The following GC variants were observed in gnomAD, a reference collection of about 807,000 sequenced individuals.
GC encodes the protein vitamin D-binding protein.
Under a neutral mutation model 56.7 loss-of-function variants are expected in GC, and 43 were observed. The ratio of observed to expected loss-of-function variants is 0.76; its 90% CI spans 0.59 to 0.98. The LOEUF is 0.98. Ranked by LOEUF, GC falls within the 50% of genes least tolerant of loss-of-function variation. The pLI is 0.00. For synonymous variants in GC, 216 were observed against 202.7 expected (o/e 1.07, Z -0.56); for missense variants, 529 against 545.9 (o/e 0.97, Z 0.31).
At chr4:71,794,661 G>C (rs530148350) in intron 1 of GC, among the ~76,000 whole-genome samples, 26 of 152,064 alleles carry the variant, frequency 1.7e-4, no homozygotes, top group African/African-American at 5.5e-4. Flanking sequence ...ATCTCCTTGA[G>C]TTCTGCTCTG....
chr4:71,784,304 A>G, upstream of GC: 1 of 1,120,962 alleles, frequency 8.9e-7, no homozygotes, highest in Non-Finnish European at 1.1e-6. Context: ...AAACTGCAAA[A>G]GAGCCAAGGT....
At chr4:71,743,870 T>C (rs1420666508) in intron 12 of GC, among the ~76,000 whole-genome samples, 1 of 152,166 alleles carries the variant, frequency 6.6e-6, no homozygotes, top group African/African-American at 2.4e-5. Context: ...GGAAGGGATA[T>C]GTGAATAATT....
intron 11 of GC, among the ~76,000 whole-genome samples, chr4:71,749,903 TTTGGGACCAGAG>T (rs1741492259): frequency 6.6e-6 from 1 of 152,102 alleles, no homozygotes; most frequent in Admixed American, 6.5e-5. Context: ...AGCAAATAGG[TTTGGGACCAGAG>T]TGTAAATATG....
At chr4:71,773,905 G>A (rs1376920842) in intron 1 of GC, among the ~76,000 whole-genome samples, 2 of 151,888 alleles carry the variant, frequency 1.3e-5, no homozygotes, top group Admixed American at 1.3e-4. Flanking sequence ...ATATTTGTTA[G>A]TATTTTTTTA....
At chr4:71,804,283 CT>C (rs1743313427), upstream of GC, among the ~76,000 whole-genome samples, 1 of 152,142 alleles carries the variant, frequency 6.6e-6, no homozygotes, top group Admixed American at 6.5e-5. Context: ...GAGCTGCTTG[CT>C]TTTATTCAAT....
In GC at chr4:71,753,290, A is replaced by G. The variant is rs1161871323; in HGVS notation, c.1263-640T>C. Among the ~76,000 whole-genome samples, 3 of 152,244 alleles carry G rather than the reference A, an allele frequency of 2.0e-5. No homozygotes were observed. In the East Asian group the frequency reaches 5.8e-4, roughly 29 times the overall value. On this transcript the variant is annotated intron_variant, in intron 10 of 12. Coordinates refer to ENST00000273951, the MANE Select transcript of GC (RefSeq NM_000583.4). ...CTGGTTTTATGACTTTCTTCAGGAA[A>G]TGCTTGCCAGCCCAGCGGGGGGCAA...
chr4:71,759,119 CT>C (rs201675874), intron 6 of GC, among the ~76,000 whole-genome samples: 90 of 151,120 alleles, frequency 6.0e-4, no homozygotes, highest in Admixed American at 2.5e-3. Context: ...ACAGGATTTT[CT>C]TTTTTTTTCA....
chr4:71,800,018 G>C (rs1026038284), intron 1 of GC, among the ~76,000 whole-genome samples: 5 of 151,552 alleles, frequency 3.3e-5, no homozygotes, highest in African/African-American at 1.2e-4. Flanking sequence ...GAAAACAATA[G>C]AACAATCAAC....
At chr4:71,798,592 C>G (rs769229587) in intron 1 of GC, among the ~76,000 whole-genome samples, 1 of 152,180 alleles carries the variant, frequency 6.6e-6, no homozygotes, top group Admixed American at 6.5e-5. Context: ...CCAAGCACCT[C>G]TAACTGGGGG....
At chr4:71,782,929 C>T (rs1414531510) in intron 1 of GC, among the ~76,000 whole-genome samples, 2 of 151,678 alleles carry the variant, frequency 1.3e-5, no homozygotes, top group Non-Finnish European at 2.9e-5. Context: ...GTAGTCTTAC[C>T]TAAGGACGCA....
upstream of GC, among the ~76,000 whole-genome samples, chr4:71,805,064 T>C (rs1256856744): frequency 6.6e-6 from 1 of 152,098 alleles, no homozygotes; most frequent in African/African-American, 2.4e-5. Context: ...GTGCATGATA[T>C]TGTTTAAGAT....
chr4:71,802,606 T>C (rs562656209), intron 1 of GC, among the ~76,000 whole-genome samples: 1 of 152,354 alleles, frequency 6.6e-6, no homozygotes, highest in South Asian at 2.1e-4. Flanking sequence ...ATCCTAAAGT[T>C]GAAAAGTCAT....
intron 10 of GC, among the ~76,000 whole-genome samples, chr4:71,754,149 T>A (rs1454481187): frequency 6.6e-6 from 1 of 152,170 alleles, no homozygotes; most frequent in African/African-American, 2.4e-5. Context: ...TTTAGTATAA[T>A]CATCACCCAA....
intron 1 of GC, among the ~76,000 whole-genome samples, chr4:71,792,169 G>T (rs1560713675): frequency 6.6e-6 from 1 of 152,052 alleles, no homozygotes; most frequent in Admixed American, 6.6e-5. Context: ...ATAATCCTTT[G>T]GGTATATACC....
At chr4:71,805,123 G>A (rs1181920644), upstream of GC, among the ~76,000 whole-genome samples, 2 of 152,030 alleles carry the variant, frequency 1.3e-5, no homozygotes, top group Non-Finnish European at 2.9e-5. Context: ...CCTTCTTCCA[G>A]GAATCATGGG....
chr4:71,746,832 A>C (rs2149292707), intron 11 of GC, among the ~76,000 whole-genome samples: 1 of 151,636 alleles, frequency 6.6e-6, no homozygotes, highest in African/African-American at 2.4e-5. Context: ...CTATTAGAGA[A>C]GAGTATTAAC....
At chr4:71,798,042 T>C (rs1014928382) in intron 1 of GC, among the ~76,000 whole-genome samples, 1 of 152,248 alleles carries the variant, frequency 6.6e-6, no homozygotes, top group African/African-American at 2.4e-5. Flanking sequence ...ACCTTTGTTG[T>C]CTCTGTTCTT....
upstream of GC, chr4:71,784,235 T>C (rs1742776690): frequency 8.0e-7 from 1 of 1,246,378 alleles, no homozygotes. Flanking sequence ...TCAAGGTAAA[T>C]AGACACCCTG....
intron 1 of GC, among the ~76,000 whole-genome samples, chr4:71,795,815 T>C (rs1214491537): frequency 6.6e-6 from 1 of 152,216 alleles, no homozygotes; most frequent in Non-Finnish European, 1.5e-5. Flanking sequence ...TTTCCATGTT[T>C]AGTGCTTCCT....
Sources: gnomAD v4.1 joint callset for allele counts (sites outside exome capture counted in the v4.1 genomes callset) on GRCh38, gnomAD v4.1.1 for gene constraint, MANE v1.5 for transcripts, NCBI Gene and HGNC (gene_info 2026-07-23, HGNC 2026-07-21) for gene names.